Variants in BAIAP2 observed in about 807,000 individuals in gnomAD.
BAIAP2 encodes BAR/IMD domain containing adaptor protein 2.
BAIAP2 carries 18 observed loss-of-function variants against 63.0 expected under a neutral mutation model. The observed-to-expected ratio is 0.29, with a 90% CI of 0.20 to 0.42. BAIAP2 has a LOEUF of 0.42. Among genes scored for constraint, BAIAP2 ranks in the 10% least tolerant of loss-of-function variants. The pLI is 1.00. For missense variants in BAIAP2, 610 were observed against 734.3 expected (o/e 0.83, Z 1.96); for synonymous variants, 386 against 307.6 (o/e 1.25, Z -2.67).
chr17:81,035,169 C>A lies in BAIAP2; in HGVS notation c.-86C>A, dbSNP rs1264173355. 4 of 1,165,250 alleles carry A rather than the reference C, an allele frequency of 3.4e-6. No individual in the cohort carries two copies. The highest frequency in any genetic ancestry group is 4.6e-6 in the Non-Finnish European group (4 of 861,978). The allele number at this position is 1,165,250 out of a possible 1,614,324, so 72.2% of individuals were successfully genotyped here. On this transcript the variant is annotated 5_prime_UTR_variant, in exon 1 of 14. Coordinates refer to ENST00000428708, the MANE Select transcript of BAIAP2 (RefSeq NM_001144888.2). ...GGGCTCTGTGGTTCGGGTCCGCTTT[C>A]GTCTCCGTCCTGCTGCCGTTACCGC...
intron 12 of BAIAP2, 171 bp downstream of exon 12, chr17:81,107,078 C>A: frequency 2.5e-6 from 2 of 794,922 alleles, no homozygotes; most frequent in Non-Finnish European, 3.7e-6. Flanking sequence ...ACCCCTGCTT[C>A]GGCCTCAGGC....
chr17:81,039,436 C>T (rs575960531), intron 1 of BAIAP2, among the ~76,000 whole-genome samples: 51 of 152,294 alleles, frequency 3.3e-4, no homozygotes, highest in African/African-American at 9.9e-4. Flanking sequence ...GCATGAAGTC[C>T]GTGTCTACCG....
chr17:81,064,249 C>T (rs1157729515), intron 3 of BAIAP2, among the ~76,000 whole-genome samples: 1 of 152,384 alleles, frequency 6.6e-6, no homozygotes, highest in South Asian at 2.1e-4. Context: ...CTGTGGGTCT[C>T]TCTGTACCTG....
chr17:81,051,693 G>C (rs750838041), intron 1 of BAIAP2, among the ~76,000 whole-genome samples: 3 of 151,958 alleles, frequency 2.0e-5, no homozygotes, highest in Non-Finnish European at 4.4e-5. Flanking sequence ...TGTCCGGCCT[G>C]TTTTATTTTT....
rs1259753134 is a variant in BAIAP2, at chr17:81,109,681, G to A, written c.1535+1172G>A. ...AGGGCTTCTCCCTCTGGACACTGCG[G>A]GCCAGGTGTACATAGAGCAGCGCGG... On this transcript the variant is annotated intron_variant, in intron 13 of 13. Transcript: ENST00000428708. The A allele has an allele frequency of 3.0e-6, 3 of 985,186 alleles. No individual in the cohort carries two copies. The African/African-American group carries it at 5.2e-5, about 17-fold the overall frequency. The allele number at this position is 985,186 out of a possible 1,614,324, so 61.0% of individuals were successfully genotyped here.
Position 81,087,436 on chromosome 17 carries a change from C to G in BAIAP2, c.489+856C>G, listed in dbSNP as rs375023365. The G allele has an allele frequency of 2.5e-3, 383 of 152,366 alleles. 5 individuals are homozygous for G. The South Asian group carries it at 0.038, about 15-fold the overall frequency. The allele number at this position is 152,366 out of a possible 1,614,324, so 9.4% of individuals were successfully genotyped here. ...CTCCTTGGTGCCGGATGTGGGTGCT[C>G]ATGAGTGGCTGTGGCCTCGCCCTGG... On this transcript the variant is annotated intron_variant, in intron 6 of 13. Coordinates refer to ENST00000428708, the MANE Select transcript of BAIAP2 (RefSeq NM_001144888.2).
At chr17:81,065,634 C>T (rs1414468193) in intron 3 of BAIAP2, among the ~76,000 whole-genome samples, 1 of 152,228 alleles carries the variant, frequency 6.6e-6, no homozygotes, top group Non-Finnish European at 1.5e-5. Context: ...TGACAGCTGC[C>T]TATGGCCCAG....
Position 81,116,328 on chromosome 17 carries a change from C to T in BAIAP2, c.*489C>T, listed in dbSNP as rs2060532880. 5.6e-6 allele frequency: 9 copies of T among 1,612,412 alleles called. No individual in the cohort carries two copies. In the East Asian group the frequency reaches 1.8e-4, roughly 32 times the overall value. On this transcript the variant is annotated 3_prime_UTR_variant, in exon 14 of 14. Coordinates refer to ENST00000428708, the MANE Select transcript of BAIAP2 (RefSeq NM_001144888.2). ...TGAACTTCCCGTAAGCACGTAATTC[C>T]CTGCAGGTCCGGCAGCTACACCTGG... is the stretch of plus-strand genomic sequence containing the variant.
At chr17:81,079,061 A>C (rs919924820) in intron 3 of BAIAP2, among the ~76,000 whole-genome samples, 1 of 152,194 alleles carries the variant, frequency 6.6e-6, no homozygotes, top group African/African-American at 2.4e-5. Flanking sequence ...CTGGGGACTC[A>C]GCAGATGGAA....
chr17:81,098,511 G>T (rs1016758944), intron 6 of BAIAP2, among the ~76,000 whole-genome samples: 1 of 152,048 alleles, frequency 6.6e-6, no homozygotes, highest in African/African-American at 2.4e-5. Context: ...CGGCATTAGC[G>T]CATTCATGGG....
chr17:81,067,171 C>G (rs1474421696), intron 3 of BAIAP2, among the ~76,000 whole-genome samples: 1 of 152,252 alleles, frequency 6.6e-6, no homozygotes, highest in Non-Finnish European at 1.5e-5. Flanking sequence ...CCCTTCCCCC[C>G]CACACTATTC....
At position 81,104,557 on chromosome 17, in the gene BAIAP2, C is replaced by T. The variant is rs139536558; in HGVS notation, c.1110C>T (p.Gly370=). 12 of 1,610,898 alleles carry T rather than the reference C, an allele frequency of 7.4e-6. No homozygotes were observed. Among genetic ancestry groups the T allele is most frequent in the Non-Finnish European group, 1.0e-5 (12 of 1,179,414 alleles). The change falls in exon 10 of 14, where the codon GGC becomes GGT. Residue 370 remains glycine (G), a synonymous_variant. Coordinates refer to ENST00000428708, the MANE Select transcript of BAIAP2 (RefSeq NM_001144888.2). ...TLPRSSSMAA[G]LERNGRMRVK... Reference sequence around the variant, plus strand: ...CTCGCTCGAGCTCCATGGCAGCCGGCCTGGAGCGCAATGGCCGTATGCGGG... The same window carrying T: ...CTCGCTCGAGCTCCATGGCAGCCGGTCTGGAGCGCAATGGCCGTATGCGGG...
intron 12 of BAIAP2, chr17:81,107,149 C>T (rs184586364): frequency 3.3e-4 from 172 of 517,890 alleles, no homozygotes; most frequent in African/African-American, 2.8e-3. Context: ...TCAGCCTGTC[C>T]CTCATGGTGC....
chr17:81,116,400 G>A lies in BAIAP2; in HGVS notation c.*561G>A. The A allele has an allele frequency of 6.7e-7, 1 of 1,493,168 alleles. No individual in the cohort carries two copies. Among genetic ancestry groups the A allele is most frequent in the Non-Finnish European group, 9.1e-7 (1 of 1,099,382 alleles). 92.5% of individuals were successfully genotyped at this position (1,493,168 alleles called of 1,614,324 possible). On this transcript the variant is annotated 3_prime_UTR_variant, in exon 14 of 14. Transcript: ENST00000428708. Reference sequence around the variant, plus strand: ...CCATGCCCCTCGGTGGGGCTCTCCTGGGCCCCTCACTCCCACTGGCAATGT... The same window carrying A: ...CCATGCCCCTCGGTGGGGCTCTCCTAGGCCCCTCACTCCCACTGGCAATGT...
intron 12 of BAIAP2, 121 bp downstream of exon 12, chr17:81,107,028 G>A (rs2059266784): frequency 8.3e-7 from 1 of 1,203,698 alleles, no homozygotes; most frequent in Non-Finnish European, 1.1e-6. Context: ...TCTTTGGACA[G>A]CCCTGGGGTG....
At chr17:81,069,168 G>A (rs762269923) in intron 3 of BAIAP2, among the ~76,000 whole-genome samples, 6 of 152,176 alleles carry the variant, frequency 3.9e-5, no homozygotes, top group Non-Finnish European at 7.3e-5. Context: ...GTGGGTCCAC[G>A]GGCATTCGTG....
chr17:81,099,596 C>T (rs150492857), intron 6 of BAIAP2, among the ~76,000 whole-genome samples: 321 of 152,230 alleles, frequency 2.1e-3, no homozygotes, highest in Non-Finnish European at 3.8e-3. Flanking sequence ...GAGGTGCACG[C>T]GACCCCACCC....
At chr17:81,111,190 G>A (rs1267817880) in intron 13 of BAIAP2, among the ~76,000 whole-genome samples, 3 of 152,234 alleles carry the variant, frequency 2.0e-5, no homozygotes, top group Non-Finnish European at 4.4e-5. Flanking sequence ...GGCTGGCTGT[G>A]CCCGGGGCTC....
intron 3 of BAIAP2, among the ~76,000 whole-genome samples, chr17:81,061,903 T>C (rs1294871111): frequency 1.3e-5 from 2 of 152,226 alleles, no homozygotes; most frequent in East Asian, 3.8e-4. Context: ...ATTTTGCACA[T>C]ATTTGCTTTC....
Sources: allele counts gnomAD v4.1 joint callset (sites outside exome capture counted in the v4.1 genomes callset), GRCh38; gene constraint gnomAD v4.1.1; transcripts MANE v1.5; gene names NCBI Gene and HGNC (gene_info 2026-07-23, HGNC 2026-07-21).